Variants in EBF1 observed in about 807,000 individuals in gnomAD.
EBF1 encodes transcription factor COE1.
Under a neutral mutation model 68.4 loss-of-function variants are expected in EBF1, and 10 were observed. The observed-to-expected ratio is 0.15, with a 90% CI of 0.09 to 0.25. The LOEUF (loss-of-function observed/expected upper bound fraction) is 0.25. Ranked by LOEUF, EBF1 falls within the 10% of genes least tolerant of loss-of-function variation. The probability of loss-of-function intolerance (pLI) is 1.00; values close to 1 mark genes in which losing one functional copy is unlikely to be tolerated. For synonymous variants in EBF1, 298 were observed against 299.8 expected, an observed-to-expected ratio of 0.99 and a Z score of 0.06; for missense variants, 509 against 794.4, an observed-to-expected ratio of 0.64 and a Z score of 4.32.
intron 8 of EBF1, among the ~76,000 whole-genome samples, chr5:158,819,441 G>A (rs1269565566): frequency 6.6e-6 from 1 of 152,220 alleles, no homozygotes; most frequent in East Asian, 1.9e-4. Context: ...ACCGCATTTT[G>A]CCACAGGGGG....
intron 10 of EBF1, among the ~76,000 whole-genome samples, chr5:158,735,882 A>G (rs1765077353): frequency 6.6e-6 from 1 of 152,168 alleles, no homozygotes; most frequent in Non-Finnish European, 1.5e-5. Flanking sequence ...GGTGGTCAAG[A>G]CAGAACAGCT....
chr5:158,789,211 GA>G (rs1029196141), intron 9 of EBF1, among the ~76,000 whole-genome samples: 4 of 151,698 alleles, frequency 2.6e-5, no homozygotes, highest in African/African-American at 9.7e-5. Flanking sequence ...AACATATTTA[GA>G]AAAAAATAGG....
chr5:158,801,586 G>A (rs1341132226), intron 8 of EBF1, among the ~76,000 whole-genome samples: 1 of 151,458 alleles, frequency 6.6e-6, no homozygotes, highest in Non-Finnish European at 1.5e-5. Flanking sequence ...ATACTACACC[G>A]TGAGTCAGGG....
intron 6 of EBF1, among the ~76,000 whole-genome samples, chr5:158,935,380 G>A (rs767360166): frequency 5.3e-5 from 8 of 152,134 alleles, no homozygotes; most frequent in Non-Finnish European, 7.4e-5. Flanking sequence ...CAGCCACCCC[G>A]CTTGCCCAGC....
intron 10 of EBF1, among the ~76,000 whole-genome samples, chr5:158,732,707 G>A (rs1431200520): frequency 2.0e-5 from 3 of 152,116 alleles, no homozygotes; most frequent in Non-Finnish European, 4.4e-5. Flanking sequence ...ATCAGAGTAA[G>A]TACTTTTTCT....
intron 5 of EBF1, among the ~76,000 whole-genome samples, chr5:159,083,963 T>C (rs1370741374): frequency 1.3e-5 from 2 of 152,224 alleles, no homozygotes; most frequent in Non-Finnish European, 1.5e-5. Context: ...CCATGGAAGT[T>C]AATTTGGTCT....
intron 6 of EBF1, among the ~76,000 whole-genome samples, chr5:159,045,009 C>T (rs779360948): frequency 5.5e-4 from 84 of 152,010 alleles, no homozygotes; most frequent in Non-Finnish European, 1.0e-3. Context: ...ACATTTAATC[C>T]TTTGAATAAC....
At chr5:158,867,704 C>A (rs1008986472) in intron 6 of EBF1, among the ~76,000 whole-genome samples, 7 of 152,136 alleles carry the variant, frequency 4.6e-5, no homozygotes, top group Non-Finnish European at 1.0e-4. Context: ...TTGGAGTGTA[C>A]CAAGACTTCC....
chr5:159,093,321 C>A (rs1781986378), intron 4 of EBF1, among the ~76,000 whole-genome samples: 2 of 152,114 alleles, frequency 1.3e-5, no homozygotes, highest in Non-Finnish European at 2.9e-5. Flanking sequence ...TTGAAATATT[C>A]CTTTTCCTGA....
intron 13 of EBF1, 129 bp from the exon 14 acceptor site, chr5:158,712,462 T>C: frequency 1.0e-6 from 1 of 995,900 alleles, no homozygotes. Flanking sequence ...GATTGGGTGA[T>C]TCATGTGCGT....
chr5:158,715,440 T>C (rs967667822), intron 11 of EBF1, among the ~76,000 whole-genome samples: 4 of 152,212 alleles, frequency 2.6e-5, no homozygotes, highest in Admixed American at 2.6e-4. Context: ...CAATTTTAAA[T>C]TCTCTATAAT....
At chr5:159,089,799 AGAAAGAAAGAAAGAAG>A (rs910076432) in intron 4 of EBF1, among the ~76,000 whole-genome samples, 6 of 151,818 alleles carry the variant, frequency 4.0e-5, no homozygotes, top group South Asian at 2.1e-4. Flanking sequence ...AAAGAAAAGA[AGAAAGAAAGAAAGAAG>A]GAAAGAAAGA....
At chr5:158,806,823 C>T (rs1781673776) in intron 8 of EBF1, among the ~76,000 whole-genome samples, 1 of 152,146 alleles carries the variant, frequency 6.6e-6, no homozygotes, top group South Asian at 2.1e-4. Context: ...AGTTCACACA[C>T]ACAACCCTAC....
chr5:158,809,440 A>G (rs1244893380), intron 8 of EBF1, among the ~76,000 whole-genome samples: 6 of 152,204 alleles, frequency 3.9e-5, no homozygotes, highest in African/African-American at 1.4e-4. Context: ...CTTCAATCAT[A>G]CAAATACAGC....
At chr5:158,950,599 A>C (rs1337848514) in intron 6 of EBF1, among the ~76,000 whole-genome samples, 1 of 152,224 alleles carries the variant, frequency 6.6e-6, no homozygotes, top group Admixed American at 6.5e-5. Context: ...CGTTCTGAGG[A>C]CCATGCAGAA....
intron 6 of EBF1, among the ~76,000 whole-genome samples, chr5:158,882,405 T>A (rs548180319): frequency 6.6e-6 from 1 of 152,186 alleles, no homozygotes; most frequent in East Asian, 1.9e-4. Context: ...TGAGTTGGCA[T>A]CCCCAGAGCC....
intron 10 of EBF1, among the ~76,000 whole-genome samples, chr5:158,773,700 G>A (rs1272014625): frequency 2.0e-5 from 3 of 152,078 alleles, no homozygotes; most frequent in Admixed American, 6.6e-5. Flanking sequence ...TTCTTATCAG[G>A]AAAACCAACT....
chr5:158,832,946 C>G (rs943408632), intron 7 of EBF1, among the ~76,000 whole-genome samples: 2 of 152,088 alleles, frequency 1.3e-5, no homozygotes, highest in African/African-American at 4.8e-5. Context: ...AGATGTGAGG[C>G]AAGATTGTTT....
chr5:158,761,172 C>T (rs1476494480), intron 10 of EBF1, among the ~76,000 whole-genome samples: 2 of 152,208 alleles, frequency 1.3e-5, no homozygotes, highest in Non-Finnish European at 2.9e-5. Context: ...AGTTAAAGGG[C>T]CAATGCAATT....
Sources: allele counts gnomAD v4.1 joint callset (sites outside exome capture counted in the v4.1 genomes callset), GRCh38; gene constraint gnomAD v4.1.1; transcripts MANE v1.5; gene names NCBI Gene and HGNC (gene_info 2026-07-23, HGNC 2026-07-21).